Variants in CCDC148 observed in about 807,000 individuals in gnomAD.
CCDC148 encodes coiled-coil domain-containing protein 148.
Under a neutral mutation model 85.7 loss-of-function variants are expected in CCDC148, and 89 were observed. The observed-to-expected ratio is 1.04, with a 90% CI of 0.87 to 1.24. CCDC148 has a LOEUF of 1.24. CCDC148 is among the 50% of genes most tolerant of loss of function. The pLI is 0.00. For missense variants in CCDC148, 692 were observed against 671.7 expected, an observed-to-expected ratio of 1.03 and a Z score of -0.33; for synonymous variants, 230 against 213.9, an observed-to-expected ratio of 1.08 and a Z score of -0.66.
intron 7 of CCDC148, among the ~76,000 whole-genome samples, chr2:158,321,306 C>A (rs536442423): frequency 3.9e-5 from 6 of 152,166 alleles, no homozygotes; most frequent in Non-Finnish European, 7.4e-5. Context: ...TAAACCCCAA[C>A]ATCAAGTTGG....
At chr2:158,360,513 G>A (rs1044602364) in intron 1 of CCDC148, among the ~76,000 whole-genome samples, 1 of 152,160 alleles carries the variant, frequency 6.6e-6, no homozygotes, top group Non-Finnish European at 1.5e-5. Context: ...AGCCTCCACT[G>A]GTGATACCCA....
intron 10 of CCDC148, among the ~76,000 whole-genome samples, chr2:158,227,385 G>A (rs2105309127): frequency 6.6e-6 from 1 of 152,002 alleles, no homozygotes; most frequent in African/African-American, 2.4e-5. Context: ...TACTGCCCAA[G>A]GTAATTTATA....
At chr2:158,434,846 C>A in intron 1 of CCDC148, among the ~76,000 whole-genome samples, 1 of 151,988 alleles carries the variant, frequency 6.6e-6, no homozygotes, top group African/African-American at 2.4e-5. Context: ...GCTTTAGTAG[C>A]CAATTTGATC....
chr2:158,366,538 C>G (rs1684211739), intron 1 of CCDC148, among the ~76,000 whole-genome samples: 1 of 152,186 alleles, frequency 6.6e-6, no homozygotes, highest in East Asian at 1.9e-4. Flanking sequence ...CTCCAGCTGT[C>G]ACCCCCTTCA....
intron 11 of CCDC148, among the ~76,000 whole-genome samples, chr2:158,218,561 AGG>A (rs1210152233): frequency 2.6e-5 from 4 of 152,182 alleles, no homozygotes. Context: ...CCTGACTATG[AGG>A]GGTAATTTTA....
intron 11 of CCDC148, among the ~76,000 whole-genome samples, chr2:158,200,194 C>G (rs1217938161): frequency 1.3e-5 from 2 of 152,172 alleles, no homozygotes; most frequent in South Asian, 2.1e-4. Context: ...TTACATCTCA[C>G]TGGTTTATTT....
rs541889514 is a variant in CCDC148 at position 158,199,177 on chromosome 2, G to GC, written c.1371-20182dup. 3.1e-4 allele frequency among the ~76,000 whole-genome samples: 47 copies of GC among 152,216 alleles called. 1 individual carries two copies. In the East Asian group the frequency reaches 8.5e-3, roughly 27 times the overall value. On this transcript the variant is annotated intron_variant, in intron 11 of 13. Coordinates refer to ENST00000283233, the MANE Select transcript of CCDC148 (RefSeq NM_138803.4). ...TGCTCTAAGGTGTATGATACTTTAA[G>GC]CTTGGAAAGTAATTTTCTTATAGTT...
In CCDC148 at chr2:158,212,111, A is replaced by G. The variant is rs144575319; in HGVS notation, c.1370+8484T>C. Among the ~76,000 whole-genome samples, 406 of 152,242 alleles carry G rather than the reference A, an allele frequency of 2.7e-3. 3 individuals are homozygous for G. Among genetic ancestry groups the G allele is most frequent in the African/African-American group, 9.2e-3 (381 of 41,526 alleles). ...AATTTGCAAAACATTTCTAATATACATATAAAATACAAAACAGACAGTCCT... is the reference window on the plus strand; with the variant it reads ...AATTTGCAAAACATTTCTAATATACGTATAAAATACAAAACAGACAGTCCT... On this transcript the variant is annotated intron_variant, in intron 11 of 13. Transcript: ENST00000283233.
intron 11 of CCDC148, among the ~76,000 whole-genome samples, chr2:158,184,810 T>C (rs1685077810): frequency 6.6e-6 from 1 of 152,158 alleles, no homozygotes; most frequent in Non-Finnish European, 1.5e-5. Flanking sequence ...CAAAATCACC[T>C]GTGTGACTGG....
chr2:158,212,795 G>A (rs1463625724), intron 11 of CCDC148, among the ~76,000 whole-genome samples: 2 of 152,026 alleles, frequency 1.3e-5, no homozygotes, highest in Non-Finnish European at 1.5e-5. Context: ...TACTTGAAGT[G>A]GTTTTCTAGA....
chr2:158,225,698 A>C lies in CCDC148; in HGVS notation c.1252-4985T>G, dbSNP rs142522897. Among the ~76,000 whole-genome samples the C allele has an allele frequency of 4.7e-3, 720 of 152,360 alleles. 1 individual carries two copies. Among genetic ancestry groups the C allele is most frequent in the African/African-American group, 0.016 (656 of 41,588 alleles). On this transcript the variant is annotated intron_variant, in intron 10 of 13. Transcript: ENST00000283233. ...ATGGAAACTGAACAATTCGCTCCTG[A>C]ATGACTACTGGGTACATAATGAAAT... is the stretch of plus-strand genomic sequence containing the variant.
intron 11 of CCDC148, among the ~76,000 whole-genome samples, chr2:158,209,564 GA>G (rs1174076074): frequency 1.3e-5 from 2 of 152,142 alleles, no homozygotes; most frequent in Non-Finnish European, 2.9e-5. Flanking sequence ...TTGCCAGAGA[GA>G]AAGGTTGGGT....
In CCDC148 at chr2:158,421,404, C is replaced by T. The variant is rs553826531; in HGVS notation, c.25+35011G>A. On this transcript the variant is annotated intron_variant, in intron 1 of 13. Transcript: ENST00000283233. ...ACAAACTGTCTCTCAGACTACAGTG[C>T]AATCAAACTAGAACTCAGGATTCAG... is the stretch of plus-strand genomic sequence containing the variant. Among the ~76,000 whole-genome samples, 4 of 152,292 alleles carry T rather than the reference C, an allele frequency of 2.6e-5. No homozygotes were observed. The South Asian group carries it at 8.3e-4, about 32-fold the overall frequency.
intron 1 of CCDC148, among the ~76,000 whole-genome samples, chr2:158,423,042 T>A (rs989560092): frequency 6.6e-6 from 1 of 151,982 alleles, no homozygotes; most frequent in Non-Finnish European, 1.5e-5. Context: ...AGGACCTCTT[T>A]AAGGAGAACT....
intron 11 of CCDC148, among the ~76,000 whole-genome samples, chr2:158,210,506 T>C (rs899127614): frequency 7.2e-5 from 11 of 152,116 alleles, no homozygotes. Flanking sequence ...CAACAGAATA[T>C]GCATTCTACT....
Position 158,309,622 on chromosome 2 carries a change from A to G in CCDC148, c.921T>C (p.Tyr307=). The change falls in exon 9 of 14, where the codon TAT becomes TAC. Residue 307 remains tyrosine, a synonymous_variant. Transcript: ENST00000283233. ...SRHDLVEHEK[Y]CDQYRFAIEQ... ...CTATAGCAAAGCGATATTGGTCACA[A>G]TATTTCTCGTGTTCAACCTGAAAAG... The G allele has an allele frequency of 1.2e-6, 2 of 1,612,558 alleles. No individual in the cohort carries two copies. Among genetic ancestry groups the G allele is most frequent in the Non-Finnish European group, 1.7e-6 (2 of 1,179,058 alleles).
chr2:158,229,178 A>G (rs964901578), intron 10 of CCDC148, among the ~76,000 whole-genome samples: 1 of 152,070 alleles, frequency 6.6e-6, no homozygotes, highest in African/African-American at 2.4e-5. Context: ...GAATTCTATT[A>G]TCATTGAAAA....
At chr2:158,381,493 C>G (rs1385625478) in intron 1 of CCDC148, among the ~76,000 whole-genome samples, 1 of 152,064 alleles carries the variant, frequency 6.6e-6, no homozygotes, top group African/African-American at 2.4e-5. Flanking sequence ...GTGGAGCAAC[C>G]AGAGCGTTCA....
chr2:158,331,900 C>G lies in CCDC148; in HGVS notation c.764+6826G>C, dbSNP rs555808061. On this transcript the variant is annotated intron_variant, in intron 7 of 13. Coordinates refer to ENST00000283233, the MANE Select transcript of CCDC148 (RefSeq NM_138803.4). Reference sequence around the variant, plus strand: ...CCCTTTGTTTTGAGCCTATGTGTGTCTCTGCACGAGAGATGGGTTTCCTGA... The same window carrying G: ...CCCTTTGTTTTGAGCCTATGTGTGTGTCTGCACGAGAGATGGGTTTCCTGA... Among the ~76,000 whole-genome samples, 79 of 152,244 alleles carry G rather than the reference C, an allele frequency of 5.2e-4. 1 individual carries two copies. The South Asian group carries it at 0.016, about 31-fold the overall frequency.
Sources: allele counts gnomAD v4.1 joint callset (sites outside exome capture counted in the v4.1 genomes callset), GRCh38; gene constraint gnomAD v4.1.1; transcripts MANE v1.5; gene names NCBI Gene and HGNC (gene_info 2026-07-23, HGNC 2026-07-21).